The following CRLF2 variants were observed in gnomAD, a reference collection of about 807,000 sequenced individuals.
The protein encoded by CRLF2 is cytokine receptor like factor 2, also known as cytokine receptor-like factor 2.
In CRLF2, 41 loss-of-function variants were observed where a neutral mutation model predicts 38.7. The ratio of observed to expected loss-of-function variants is 1.06; its 90% confidence interval spans 0.83 to 1.37. The LOEUF (loss-of-function observed/expected upper bound fraction) is 1.37. Among genes scored for constraint, CRLF2 ranks in the 40% most tolerant of loss-of-function variants. The pLI, the probability that CRLF2 is intolerant of heterozygous loss-of-function variation, is 0.00. For synonymous variants in CRLF2, 140 were observed against 128.8 expected (o/e 1.09, Z -0.59); for missense variants, 377 against 322.2 (o/e 1.17, Z -1.30).
chrX:1,195,443 T>C (rs1386296625), intron 6 of CRLF2, among the ~76,000 whole-genome samples: 1 of 152,010 alleles, frequency 6.6e-6, no homozygotes, highest in Non-Finnish European at 1.5e-5. Context: ...GATCGTGCTC[T>C]GTCACCCAGG....
Position 1,190,690 on chromosome X carries a change from C to A in CRLF2, c.*207G>T, listed in dbSNP as rs1171212686. ...CAATTGGCTCCCATCTGCCATCAAG[C>A]CTTTGAACACAGAGACTCATGTGGG... On this transcript the variant is annotated 3_prime_UTR_variant, in exon 8 of 8. Coordinates refer to ENST00000400841, the MANE Select transcript of CRLF2 (RefSeq NM_022148.4). The A allele has an allele frequency of 2.0e-5, 8 of 397,418 alleles. No individual in the cohort carries two copies. Among genetic ancestry groups the A allele is most frequent in the Non-Finnish European group, 3.5e-5 (8 of 225,958 alleles). The allele number at this position is 397,418 out of a possible 1,614,324, so 24.6% of individuals were successfully genotyped here.
In CRLF2 at chrX:1,211,353, A is replaced by G. The variant is rs867846239; in HGVS notation, c.79+1203T>C. ...GATGTATTGGTGGGTGGATGGGTGG[A>G]TGGGTGGATGGATGGATGGATGGAT... On this transcript the variant is annotated intron_variant, in intron 1 of 7. Transcript: ENST00000400841. 7.1e-4 allele frequency among the ~76,000 whole-genome samples: 80 copies of G among 112,536 alleles called. 1 individual carries two copies. Among genetic ancestry groups the G allele is most frequent in the Non-Finnish European group, 1.3e-3 (68 of 52,458 alleles). The allele number at this position is 112,536 out of a possible 152,430, so 73.8% of individuals were successfully genotyped here.
chrX:1,206,633 A>C, intron 2 of CRLF2, 34 bp from the exon 3 acceptor site: 1 of 1,604,122 alleles, frequency 6.2e-7, no homozygotes, highest in Non-Finnish European at 8.5e-7. Context: ...TCAGCAACAA[A>C]ACAAAAAAGC....
chrX:1,192,793 TCCC>T (rs2086416584), intron 7 of CRLF2, among the ~76,000 whole-genome samples: 1 of 146,270 alleles, frequency 6.8e-6, no homozygotes, highest in Non-Finnish European at 1.5e-5. Flanking sequence ...CCCCCTTTCC[TCCC>T]TCCTTCCTTC....
chrX:1,211,169 ATGG>A (rs758280404), intron 1 of CRLF2, among the ~76,000 whole-genome samples: 7,050 of 62,438 alleles, frequency 0.11, 211 homozygotes, highest in African/African-American at 0.23. Flanking sequence ...ACATAGGTGA[ATGG>A]ATGGATGGAT....
intron 2 of CRLF2, 114 bp from the exon 3 acceptor site, chrX:1,206,713 G>C: frequency 1.1e-6 from 1 of 945,182 alleles, no homozygotes; most frequent in Non-Finnish European, 1.6e-6. Context: ...CGCGATCTCA[G>C]CTCACTGCAA....
chrX:1,201,276 G>GA (rs2086599566), intron 4 of CRLF2, among the ~76,000 whole-genome samples: 1 of 145,852 alleles, frequency 6.9e-6, no homozygotes, highest in African/African-American at 2.7e-5. Context: ...GTGTGTGTGT[G>GA]CCTGTGTGTG....
chrX:1,192,692 TTTTTCTTTTC>T (rs1186342664), intron 7 of CRLF2, among the ~76,000 whole-genome samples: 1 of 150,012 alleles, frequency 6.7e-6, no homozygotes, highest in Non-Finnish European at 1.5e-5. Context: ...TTTCTCTTTC[TTTTTCTTTTC>T]TTTTCTTTTC....
intron 3 of CRLF2, among the ~76,000 whole-genome samples, chrX:1,205,171 C>T (rs1454548177): frequency 6.6e-6 from 1 of 152,214 alleles, no homozygotes; most frequent in Non-Finnish European, 1.5e-5. Context: ...GTCATCTGGT[C>T]TCCCCACTGG....
At chrX:1,198,765 A>AT in intron 4 of CRLF2, 41 bp from the exon 5 acceptor site, 1 of 1,404,542 alleles carries the variant, frequency 7.1e-7, no homozygotes, top group Non-Finnish European at 9.9e-7. Flanking sequence ...ACACACACAC[A>AT]CACACACACA....
intron 2 of CRLF2, among the ~76,000 whole-genome samples, chrX:1,207,406 C>T (rs1432078277): frequency 1.3e-5 from 2 of 151,938 alleles, no homozygotes; most frequent in African/African-American, 4.8e-5. Context: ...CAGGCGCACG[C>T]CCCCGCGCCC....
chrX:1,195,756 T>TA (rs2086461924), intron 6 of CRLF2, among the ~76,000 whole-genome samples: 1 of 133,214 alleles, frequency 7.5e-6, no homozygotes, highest in South Asian at 2.2e-4. Flanking sequence ...TATATATATA[T>TA]TTTTATATTA....
chrX:1,203,065 T>C (rs769397285), intron 3 of CRLF2, among the ~76,000 whole-genome samples: 1,178 of 110,568 alleles, frequency 0.011, 9 homozygotes, highest in South Asian at 0.018. Context: ...ACCACTGCCC[T>C]CCAGCCTGGG....
At chrX:1,193,161 G>C in intron 7 of CRLF2, 57 bp downstream of exon 7, 1 of 398,420 alleles carries the variant, frequency 2.5e-6, no homozygotes, top group Non-Finnish European at 4.4e-6. Flanking sequence ...TAGGAATGCA[G>C]GCAGAGGGGC....
chrX:1,195,635 T>A (rs1473435648), intron 6 of CRLF2, among the ~76,000 whole-genome samples: 140,375 of 150,284 alleles, frequency 0.93, 66,031 homozygotes, highest in East Asian at 1. Context: ...TGGAGTATAA[T>A]GGTGCAATCT....
chrX:1,204,882 C>T (rs1484879541), intron 3 of CRLF2, among the ~76,000 whole-genome samples: 7 of 151,778 alleles, frequency 4.6e-5, no homozygotes, highest in Non-Finnish European at 7.4e-5. Context: ...TGCAGTGGCA[C>T]CAACGTGGCT....
chrX:1,206,662 G>C, intron 2 of CRLF2, 63 bp from the exon 3 acceptor site: 2 of 1,516,778 alleles, frequency 1.3e-6, no homozygotes, highest in East Asian at 4.5e-5. Context: ...TTTATTTAGA[G>C]ATGGGGTCTT....
rs2086539984 is a variant in CRLF2 at position 1,198,551 on chromosome X, A to G, written c.646+11T>C. 6.2e-7 allele frequency: 1 copy of G among 1,613,526 alleles called. No homozygotes were observed. Among genetic ancestry groups the G allele is most frequent in the African/African-American group, 1.3e-5 (1 of 74,980 alleles). ...CAAGGCTATGGGACACTGCCGCGTA[A>G]CAAGCATTACCCCGAATCTCGCCTC... On this transcript the variant is annotated intron_variant, in intron 5 of 7. Transcript: ENST00000400841.
chrX:1,191,868 G>A (rs1253864891), intron 7 of CRLF2, among the ~76,000 whole-genome samples: 1 of 151,844 alleles, frequency 6.6e-6, no homozygotes, highest in Non-Finnish European at 1.5e-5. Context: ...ACAGACTGAC[G>A]GACTCTCCAG....
Sources: gnomAD v4.1 joint callset for allele counts (sites outside exome capture counted in the v4.1 genomes callset) on GRCh38, gnomAD v4.1.1 for gene constraint, MANE v1.5 for transcripts, NCBI Gene and HGNC (gene_info 2026-07-23, HGNC 2026-07-21) for gene names.